CTNNA3: variants seen among roughly 807,000 people sequenced by gnomAD.
The protein encoded by CTNNA3 is catenin alpha-3.
A neutral mutation model predicts 95.7 loss-of-function variants in CTNNA3; 76 were observed. That is an observed-to-expected ratio of 0.79 (90% CI 0.66 to 0.96). The LOEUF (loss-of-function observed/expected upper bound fraction) is 0.96, where lower values mean the gene tolerates loss of function less well. Among genes scored for constraint, CTNNA3 ranks in the 40% least tolerant of loss-of-function variants. CTNNA3 has a pLI of 0.00. For missense variants in CTNNA3, 1,191 were observed against 1,089.8 expected (o/e 1.09, Z -1.31); for synonymous variants, 431 against 374.4 (o/e 1.15, Z -1.74).
At chr10:67,671,396 A>T (rs1419576886) in intron 1 of CTNNA3, among the ~76,000 whole-genome samples, 2 of 152,014 alleles carry the variant, frequency 1.3e-5, no homozygotes, top group Non-Finnish European at 2.9e-5. Context: ...TTTAGGGTAC[A>T]TGTGCACAAT....
chr10:67,075,156 T>C (rs747683453), intron 7 of CTNNA3, among the ~76,000 whole-genome samples: 7 of 125,726 alleles, frequency 5.6e-5, no homozygotes, highest in Non-Finnish European at 8.3e-5. Context: ...TTTGTGTTGC[T>C]TCTAAGGATT....
rs988055852 is a variant in CTNNA3, at chr10:65,919,536, C to A, written c.*794G>T. On this transcript the variant is annotated 3_prime_UTR_variant, in exon 18 of 18. Transcript: ENST00000433211. ...GGGATATAGTTTGTTGTCTCATTTT[C>A]CCAATGGGTGATAACTCTTCTTTCA... is the stretch of plus-strand genomic sequence containing the variant. 6.6e-6 allele frequency: 1 copy of A among 152,124 alleles called. No individual in the cohort carries two copies. Among genetic ancestry groups the A allele is most frequent in the Admixed American group, 6.6e-5 (1 of 15,258 alleles). 9.4% of individuals were successfully genotyped at this position (152,124 alleles called of 1,614,324 possible).
intron 10 of CTNNA3, among the ~76,000 whole-genome samples, chr10:66,606,581 C>A (rs564787206): frequency 6.6e-6 from 1 of 152,066 alleles, no homozygotes; most frequent in Non-Finnish European, 1.5e-5. Flanking sequence ...CAAACTACAT[C>A]GCAATCAAAT....
chr10:67,592,472 C>T (rs1016126723), intron 3 of CTNNA3, among the ~76,000 whole-genome samples: 1 of 151,686 alleles, frequency 6.6e-6, no homozygotes, highest in Admixed American at 6.6e-5. Flanking sequence ...ACTATGGGAG[C>T]AAAAAAGCCA....
intron 7 of CTNNA3, among the ~76,000 whole-genome samples, chr10:66,978,537 A>AT (rs1850201597): frequency 1.0e-5 from 1 of 97,514 alleles, no homozygotes; most frequent in Admixed American, 1.1e-4. Context: ...AAAAAAAAAA[A>AT]AAAAAAAAAA....
At chr10:66,006,679 A>ACTGG (rs1257393403) in intron 15 of CTNNA3, among the ~76,000 whole-genome samples, 5 of 152,174 alleles carry the variant, frequency 3.3e-5, no homozygotes, top group African/African-American at 1.2e-4. Flanking sequence ...ACCGTGATAT[A>ACTGG]CTGGCTGCCC....
rs533955681 is a variant in CTNNA3, at chr10:66,948,783, T to TA, written c.1048-173260dup. Among the ~76,000 whole-genome samples, 288 of 152,006 alleles carry TA rather than the reference T, an allele frequency of 1.9e-3. 1 individual carries two copies. The highest frequency in any genetic ancestry group is 6.4e-3 in the African/African-American group (265 of 41,482). ...TTCCTATGATCCTATTAAAATGAAG[T>TA]AAAAAAAATCCCAGAAACTCAATGT... On this transcript the variant is annotated intron_variant, in intron 7 of 17. Coordinates refer to ENST00000433211, the MANE Select transcript of CTNNA3 (RefSeq NM_013266.4).
At chr10:66,477,924 A>C (rs1839384652) in intron 11 of CTNNA3, among the ~76,000 whole-genome samples, 1 of 152,074 alleles carries the variant, frequency 6.6e-6, no homozygotes. Flanking sequence ...TTCTCGAAAC[A>C]AAAGGTAGTT....
chr10:67,210,516 T>C (rs901014859), intron 6 of CTNNA3, among the ~76,000 whole-genome samples: 3 of 152,192 alleles, frequency 2.0e-5, no homozygotes, highest in Admixed American at 6.5e-5. Flanking sequence ...CTTTGATATA[T>C]GTATGCACTG....
chr10:66,824,103 T>C (rs1199583969), intron 7 of CTNNA3, among the ~76,000 whole-genome samples: 3 of 151,838 alleles, frequency 2.0e-5, no homozygotes, highest in Non-Finnish European at 2.9e-5. Context: ...TTAAGAAATG[T>C]CATGTTAAAG....
intron 5 of CTNNA3, among the ~76,000 whole-genome samples, chr10:67,475,067 GC>G (rs1159680844): frequency 6.6e-6 from 1 of 152,040 alleles, no homozygotes; most frequent in Non-Finnish European, 1.5e-5. Flanking sequence ...TTGTGACACA[GC>G]CATATATTAA....
Position 65,955,442 on chromosome 10 carries a change from G to A in CTNNA3, c.2400+11170C>T, listed in dbSNP as rs548261434. ...ACACTATGTTGAATAGGAGTGGTGAGAGAAGGCATCCCTGTCTTGCGCCAG... is the reference window on the plus strand; with the variant it reads ...ACACTATGTTGAATAGGAGTGGTGAAAGAAGGCATCCCTGTCTTGCGCCAG... On this transcript the variant is annotated intron_variant, in intron 17 of 17. Transcript: ENST00000433211. 7.2e-4 allele frequency among the ~76,000 whole-genome samples: 110 copies of A among 152,280 alleles called. 1 individual carries two copies. The highest frequency in any genetic ancestry group is 2.6e-3 in the African/African-American group (106 of 41,562).
chr10:66,975,286 A>C (rs1328613905), intron 7 of CTNNA3, among the ~76,000 whole-genome samples: 1 of 152,176 alleles, frequency 6.6e-6, no homozygotes. Context: ...TAATAGTAAT[A>C]AGTACTATCT....
At chr10:67,014,637 T>G (rs1171190964) in intron 7 of CTNNA3, among the ~76,000 whole-genome samples, 1 of 152,090 alleles carries the variant, frequency 6.6e-6, no homozygotes, top group Admixed American at 6.6e-5. Flanking sequence ...AAAGAAGAGA[T>G]GGTGGTAAGG....
chr10:66,084,527 T>C (rs1369731250), intron 14 of CTNNA3, among the ~76,000 whole-genome samples: 2 of 152,186 alleles, frequency 1.3e-5, no homozygotes, highest in African/African-American at 4.8e-5. Flanking sequence ...ATGTAGGCAG[T>C]ACCTAAAATA....
chr10:67,443,118 C>G (rs1846594239), intron 5 of CTNNA3, among the ~76,000 whole-genome samples: 1 of 147,666 alleles, frequency 6.8e-6, no homozygotes, highest in Non-Finnish European at 1.5e-5. Context: ...CTACAAAGGA[C>G]ATGAACTCAT....
intron 11 of CTNNA3, among the ~76,000 whole-genome samples, chr10:66,465,084 A>G (rs1488050750): frequency 6.6e-6 from 1 of 152,212 alleles, no homozygotes; most frequent in Non-Finnish European, 1.5e-5. Context: ...TGATTAAAAC[A>G]GATTTTAAAG....
intron 3 of CTNNA3, among the ~76,000 whole-genome samples, chr10:67,570,921 T>C (rs1226162433): frequency 1.3e-5 from 2 of 152,048 alleles, no homozygotes; most frequent in African/African-American, 4.8e-5. Context: ...GAAAGTGAAG[T>C]TGGAAATAAA....
intron 12 of CTNNA3, among the ~76,000 whole-genome samples, chr10:66,367,758 G>T (rs1374855387): frequency 6.7e-6 from 1 of 148,838 alleles, no homozygotes; most frequent in Non-Finnish European, 1.5e-5. Flanking sequence ...GACTGGTAGA[G>T]TAATGCATTT....
Sources: gnomAD v4.1 joint callset for allele counts (sites outside exome capture counted in the v4.1 genomes callset) on GRCh38, gnomAD v4.1.1 for gene constraint, MANE v1.5 for transcripts, NCBI Gene and HGNC (gene_info 2026-07-23, HGNC 2026-07-21) for gene names.